Variants in SLC9A9 observed in about 807,000 individuals in gnomAD.
The protein encoded by SLC9A9 is sodium/hydrogen exchanger 9.
Under a neutral mutation model 77.8 loss-of-function variants are expected in SLC9A9, and 62 were observed. The observed-to-expected ratio is 0.80, with a 90% confidence interval of 0.65 to 0.98. The LOEUF (loss-of-function observed/expected upper bound fraction) is 0.98. Ranked by LOEUF, SLC9A9 falls within the 50% of genes least tolerant of loss-of-function variation. The pLI is 0.00. For missense variants in SLC9A9, 775 were observed against 774.9 expected, an observed-to-expected ratio of 1.00 and a Z score of 0.00; for synonymous variants, 320 against 283.5, an observed-to-expected ratio of 1.13 and a Z score of -1.29.
At chr3:143,581,101 G>A (rs1189552695) in intron 6 of SLC9A9, among the ~76,000 whole-genome samples, 3 of 152,130 alleles carry the variant, frequency 2.0e-5, no homozygotes, top group Non-Finnish European at 2.9e-5. Flanking sequence ...AACATTTAAC[G>A]GTACAAAGGG....
intron 12 of SLC9A9, among the ~76,000 whole-genome samples, chr3:143,392,248 A>AAAC (rs2033589138): frequency 1.3e-5 from 2 of 152,354 alleles, no homozygotes; most frequent in South Asian, 4.1e-4. Flanking sequence ...CTAACAGCTG[A>AAAC]TGTTTCAGCA....
chr3:143,812,635 G>A (rs924337260), intron 2 of SLC9A9, among the ~76,000 whole-genome samples: 1 of 152,086 alleles, frequency 6.6e-6, no homozygotes, highest in East Asian at 1.9e-4. Flanking sequence ...GAATATGGAC[G>A]GAAATAATAT....
chr3:143,727,632 A>C (rs189049837), intron 4 of SLC9A9, among the ~76,000 whole-genome samples: 12 of 151,524 alleles, frequency 7.9e-5, no homozygotes, highest in Non-Finnish European at 1.2e-4. Flanking sequence ...CCAAAGTTTT[A>C]TGGCTGGCAG....
chr3:143,334,171 T>C (rs141431628), intron 14 of SLC9A9, among the ~76,000 whole-genome samples: 4,286 of 152,308 alleles, frequency 0.028, 76 homozygotes, highest in South Asian at 0.039. Context: ...CCTGTACATG[T>C]CTGGAAAAAC....
At chr3:143,495,134 T>C (rs1386121263) in intron 10 of SLC9A9, among the ~76,000 whole-genome samples, 1 of 152,234 alleles carries the variant, frequency 6.6e-6, no homozygotes, top group Non-Finnish European at 1.5e-5. Context: ...AAAGTTCTTA[T>C]CTTGAACCAT....
intron 14 of SLC9A9, among the ~76,000 whole-genome samples, chr3:143,311,178 A>T (rs1195463231): frequency 6.6e-6 from 1 of 152,164 alleles, no homozygotes; most frequent in Non-Finnish European, 1.5e-5. Flanking sequence ...ATGGCTCTTG[A>T]CTTGTCTACC....
Position 143,812,832 on chromosome 3 carries a change from C to T in SLC9A9, c.379-15929G>A, listed in dbSNP as rs148060411. ...AGGAACCCAGTGCCCCATCATTGAC[C>T]TAAAAAGCCACACTGGATTGAGACA... On this transcript the variant is annotated intron_variant, in intron 2 of 15. Transcript: ENST00000316549. 7.1e-3 allele frequency among the ~76,000 whole-genome samples: 1,074 copies of T among 152,268 alleles called. 17 individuals carry two copies. Among genetic ancestry groups the T allele is most frequent in the African/African-American group, 0.024 (1,017 of 41,542 alleles).
At chr3:143,417,980 C>T (rs2108525155) in intron 12 of SLC9A9, among the ~76,000 whole-genome samples, 1 of 151,942 alleles carries the variant, frequency 6.6e-6, no homozygotes, top group Non-Finnish European at 1.5e-5. Context: ...TACGTGGTTA[C>T]TCAATCCCTC....
intron 15 of SLC9A9, among the ~76,000 whole-genome samples, chr3:143,268,604 G>A (rs1302711211): frequency 6.6e-6 from 1 of 151,756 alleles, no homozygotes; most frequent in East Asian, 1.9e-4. Flanking sequence ...GTGGTGGCAG[G>A]CGCCTGTAGT....
At chr3:143,732,015 G>A (rs1560053624) in intron 4 of SLC9A9, among the ~76,000 whole-genome samples, 1 of 152,198 alleles carries the variant, frequency 6.6e-6, no homozygotes, top group Admixed American at 6.5e-5. Flanking sequence ...GTCAGCACAT[G>A]AACTGCCCAA....
At chr3:143,625,221 A>T (rs1576618803) in intron 6 of SLC9A9, among the ~76,000 whole-genome samples, 2 of 152,370 alleles carry the variant, frequency 1.3e-5, no homozygotes, top group East Asian at 3.9e-4. Flanking sequence ...TGCCATCCCC[A>T]TCAAGCTACC....
At chr3:143,268,056 G>A (rs1209263245) in intron 15 of SLC9A9, among the ~76,000 whole-genome samples, 1 of 152,210 alleles carries the variant, frequency 6.6e-6, no homozygotes, top group Non-Finnish European at 1.5e-5. Flanking sequence ...ACTACTGTTT[G>A]AGAACCACTG....
At chr3:143,836,223 C>A (rs1157095145) in intron 1 of SLC9A9, among the ~76,000 whole-genome samples, 1 of 152,210 alleles carries the variant, frequency 6.6e-6, no homozygotes, top group Non-Finnish European at 1.5e-5. Context: ...ATTGTTTGAA[C>A]CACACACTTT....
intron 6 of SLC9A9, among the ~76,000 whole-genome samples, chr3:143,589,754 A>G (rs1022608341): frequency 3.3e-5 from 5 of 152,214 alleles, no homozygotes; most frequent in African/African-American, 1.2e-4. Flanking sequence ...CACTTGCCCA[A>G]GGTAACTTGC....
Position 143,498,952 on chromosome 3 carries a change from G to A in SLC9A9, c.1090-3504C>T, listed in dbSNP as rs140612655. 5.9e-3 allele frequency among the ~76,000 whole-genome samples: 893 copies of A among 152,162 alleles called. 16 individuals carry two copies. The highest frequency in any genetic ancestry group is 0.013 in the East Asian group (68 of 5,178). On this transcript the variant is annotated intron_variant, in intron 9 of 15. Coordinates refer to ENST00000316549, the MANE Select transcript of SLC9A9 (RefSeq NM_173653.4). The stretch of plus-strand genomic sequence containing the variant: ...TTCATACTACTATTAATAGACACTT[G>A]GGTATTTTCTAGTTTGGGGCTATGA...
intron 11 of SLC9A9, among the ~76,000 whole-genome samples, chr3:143,479,274 G>A (rs1260313581): frequency 6.6e-6 from 1 of 152,100 alleles, no homozygotes; most frequent in Non-Finnish European, 1.5e-5. Flanking sequence ...TTTAGAGACA[G>A]GGTCTCACTC....
chr3:143,811,860 TAAAAAGAAAAAAA>T (rs921700137), intron 2 of SLC9A9: 1 of 245,748 alleles, frequency 4.1e-6, no homozygotes, highest in South Asian at 3.6e-5. Context: ...AGATCTTGTC[TAAAAAGAAAAAAA>T]AAAAAGAAAA....
chr3:143,794,410 C>G (rs544072100), intron 4 of SLC9A9, among the ~76,000 whole-genome samples: 2 of 152,000 alleles, frequency 1.3e-5, no homozygotes, highest in South Asian at 4.1e-4. Flanking sequence ...CCACATTTTA[C>G]TTTATGATGA....
At chr3:143,791,756 C>T (rs2008232098) in intron 4 of SLC9A9, among the ~76,000 whole-genome samples, 1 of 152,158 alleles carries the variant, frequency 6.6e-6, no homozygotes, top group African/African-American at 2.4e-5. Context: ...TTCTGAATCT[C>T]TCCCCCTGCC....
Sources: gnomAD v4.1 joint callset for allele counts (sites outside exome capture counted in the v4.1 genomes callset) on GRCh38, gnomAD v4.1.1 for gene constraint, MANE v1.5 for transcripts, NCBI Gene and HGNC (gene_info 2026-07-23, HGNC 2026-07-21) for gene names.